VWF: variants seen among roughly 807,000 people sequenced by gnomAD.
The protein encoded by VWF is von Willebrand factor.
In VWF, 176 loss-of-function variants were observed where a neutral mutation model predicts 308.6. The ratio of observed to expected loss-of-function variants is 0.57; its 90% CI spans 0.50 to 0.65. VWF has a LOEUF of 0.65. VWF is among the 30% of genes least tolerant of loss of function. The pLI is 0.00. For missense variants in VWF, 3,146 were observed against 3,648.2 expected (o/e 0.86, Z 3.55); for synonymous variants, 1,385 against 1,443.4 (o/e 0.96, Z 0.92).
intron 6 of VWF, among the ~76,000 whole-genome samples, chr12:6,090,555 C>A (rs933393861): frequency 6.6e-6 from 1 of 152,124 alleles, no homozygotes; most frequent in South Asian, 2.1e-4. Context: ...GGCACTCCAG[C>A]GGAAAACACG....
intron 34 of VWF, among the ~76,000 whole-genome samples, chr12:6,008,796 T>C (rs1257036667): frequency 6.6e-6 from 1 of 152,188 alleles, no homozygotes; most frequent in Non-Finnish European, 1.5e-5. Flanking sequence ...TGTTAGCAAA[T>C]TCAGCGAAGT....
At chr12:5,982,621 C>A (rs571498253) in intron 41 of VWF, among the ~76,000 whole-genome samples, 4 of 152,252 alleles carry the variant, frequency 2.6e-5, no homozygotes, top group African/African-American at 7.2e-5. Context: ...ATCAGCAGGA[C>A]AAGAACGCCA....
chr12:6,061,348 C>T (rs1167148097), intron 13 of VWF, among the ~76,000 whole-genome samples: 1 of 151,778 alleles, frequency 6.6e-6, no homozygotes, highest in Admixed American at 6.6e-5. Flanking sequence ...AGGCCTAGGG[C>T]AAGTTACTCC....
chr12:5,976,031 T>C, intron 43 of VWF, 80 bp downstream of exon 43: 1 of 1,583,074 alleles, frequency 6.3e-7, no homozygotes, highest in South Asian at 1.1e-5. Context: ...AAAAAGAACC[T>C]TTCTTACCCT....
At chr12:6,080,744 A>G (rs948138599) in intron 6 of VWF, among the ~76,000 whole-genome samples, 4 of 152,192 alleles carry the variant, frequency 2.6e-5, no homozygotes, top group African/African-American at 9.6e-5. Context: ...CGGCCCCATC[A>G]TAATCCAAAC....
intron 42 of VWF, among the ~76,000 whole-genome samples, chr12:5,978,365 T>A (rs216859): frequency 1.3e-5 from 2 of 152,006 alleles, no homozygotes; most frequent in African/African-American, 4.8e-5. Flanking sequence ...CGGATTCAAG[T>A]GATTCTCCTG....
Position 5,991,879 on chromosome 12 carries a change from G to A in VWF, c.6738C>T (p.Gly2246=), listed in dbSNP as rs61731159. 5.0e-6 allele frequency: 8 copies of A among 1,614,224 alleles called. No individual in the cohort carries two copies. The highest frequency in any genetic ancestry group is 6.8e-6 in the Non-Finnish European group (8 of 1,180,034). The change falls in exon 38 of 52, where the codon GGC becomes GGT. Residue 2246 remains glycine (G), a synonymous_variant. Transcript: ENST00000261405. ...TGCAGGCCTCTTCAGGGACACAGCT[G>A]CCTTCCAACATGACTTTATCTGGAG... The part of the protein sequence containing the change: ...FCPPDKVMLE[G]SCVPEEACTQ...
rs572581324 is a variant in VWF, at chr12:6,116,206, G to C, written c.220+4968C>G. ...ACTCTTAGGAAAAGAGAGGCTGGCT[G>C]TCACCCCAAAGAGGCAAGACAAGCC... is the stretch of plus-strand genomic sequence containing the variant. On this transcript the variant is annotated intron_variant, in intron 3 of 51. Transcript: ENST00000261405. 2.6e-5 allele frequency among the ~76,000 whole-genome samples: 4 copies of C among 152,324 alleles called. No individual in the cohort carries two copies. In the East Asian group the frequency reaches 7.7e-4, roughly 29 times the overall value.
At chr12:5,964,012 T>C (rs12307883) in intron 47 of VWF, among the ~76,000 whole-genome samples, 77,558 of 151,648 alleles carry the variant, frequency 0.51, 20,490 homozygotes, top group Middle Eastern at 0.67. Flanking sequence ...TTGAGACCAT[T>C]CTGGTTAACA....
chr12:5,968,473 T>C (rs34668268), intron 45 of VWF, among the ~76,000 whole-genome samples: 18,379 of 152,146 alleles, frequency 0.12, 1,520 homozygotes, highest in African/African-American at 0.24. Context: ...TATGAAACAA[T>C]GAAACGCTAC....
rs747325784 is a variant in VWF, at chr12:6,031,567, G to C, written c.2697C>G (p.Gly899=). The C allele has an allele frequency of 2.5e-6, 4 of 1,614,140 alleles. No individual in the cohort carries two copies. In the South Asian group the frequency reaches 4.4e-5, roughly 18 times the overall value. The change falls in exon 21 of 52, where the codon GGC becomes GGG. Residue 899 remains glycine (G), a synonymous_variant. Transcript: ENST00000261405. ...GGATCCGAAAGGTCCCAGGGTTACTGCCGCAGTAATCCTGGGGAAAGAGGA... is the reference window on the plus strand; with the variant it reads ...GGATCCGAAAGGTCCCAGGGTTACTCCCGCAGTAATCCTGGGGAAAGAGGA... ...CQYVLVQDYC[G]SNPGTFRILV...
chr12:6,012,733 A>C (rs1422461232), intron 32 of VWF, among the ~76,000 whole-genome samples: 1 of 143,216 alleles, frequency 7.0e-6, no homozygotes, highest in Non-Finnish European at 1.5e-5. Flanking sequence ...ATGGAGTCTC[A>C]CTCTGTTGCC....
Position 6,020,875 on chromosome 12 carries a change from C to T in VWF, c.3674+1025G>A, listed in dbSNP as rs914501063. ...GCAGCTGCCCCTGCCCGTGTGCCAGCAAAGGAGGTGGGGAGAGGGCTCGAA... is the reference window on the plus strand; with the variant it reads ...GCAGCTGCCCCTGCCCGTGTGCCAGTAAAGGAGGTGGGGAGAGGGCTCGAA... On this transcript the variant is annotated intron_variant, in intron 27 of 51. Coordinates refer to ENST00000261405, the MANE Select transcript of VWF (RefSeq NM_000552.5). The surrounding 1 kb of genome is among the most constrained non-coding windows in gnomAD (Gnocchi z 4.3). Among the ~76,000 whole-genome samples the T allele has an allele frequency of 1.3e-5, 2 of 152,226 alleles. No homozygotes were observed. Among genetic ancestry groups the T allele is most frequent in the African/African-American group, 2.4e-5 (1 of 41,446 alleles).
intron 10 of VWF, 22 bp from the exon 11 acceptor site, chr12:6,065,295 G>A (rs1323188491): frequency 6.2e-7 from 1 of 1,613,814 alleles, no homozygotes; most frequent in African/African-American, 1.3e-5. Context: ...CAGAGGAAGG[G>A]AGAAGAATGG....
intron 17 of VWF, among the ~76,000 whole-genome samples, chr12:6,044,680 C>G (rs936919221): frequency 8.5e-5 from 13 of 152,206 alleles, no homozygotes; most frequent in African/African-American, 3.1e-4. Flanking sequence ...TCTTCTGACC[C>G]CAGCTCTCAT....
rs113913224 is a variant in VWF, at chr12:6,072,271, A to G, written c.1109+60T>C. 6.5e-6 allele frequency: 10 copies of G among 1,534,076 alleles called. No homozygotes were observed. In the African/African-American group the frequency reaches 6.8e-5, roughly 10 times the overall value. The stretch of plus-strand genomic sequence containing the variant: ...CACCTGCCACCACCCCTGCTGACCC[A>G]GCTTCCCTCCCCAGTCCCCCAGGCA... On this transcript the variant is annotated intron_variant, in intron 9 of 51. Transcript: ENST00000261405.
At chr12:6,087,560 C>T (rs3782713) in intron 6 of VWF, among the ~76,000 whole-genome samples, 14,560 of 130,904 alleles carry the variant, frequency 0.11, 1,485 homozygotes, top group East Asian at 0.37. Context: ...AGAGACGGGG[C>T]TTCACTGTGT....
In VWF at chr12:5,995,997, C is replaced by T; in HGVS notation, c.6063+5G>A. ...TACCACGGATCCACAGAAAGTACTT[C>T]TCACCTCCATGTCACTGTGCAGCTC... On this transcript the variant is annotated splice_donor_5th_base_variant and intron_variant, in intron 35 of 51. Transcript: ENST00000261405. 6.2e-7 allele frequency: 1 copy of T among 1,612,058 alleles called. No individual in the cohort carries two copies. Among genetic ancestry groups the T allele is most frequent in the Non-Finnish European group, 8.5e-7 (1 of 1,179,798 alleles).
At chr12:6,095,435 T>G (rs1306190030) in intron 6 of VWF, 25 bp downstream of exon 6, 2 of 1,613,822 alleles carry the variant, frequency 1.2e-6, no homozygotes, top group East Asian at 2.2e-5. Context: ...ACCATCCAGG[T>G]GCACCCAGGC....
Sources: gnomAD v4.1 joint callset for allele counts (sites outside exome capture counted in the v4.1 genomes callset) on GRCh38, gnomAD v4.1.1 for gene constraint, Gnocchi (gnomAD v3.1) non-coding constraint, MANE v1.5 for transcripts, NCBI Gene and HGNC (gene_info 2026-07-23, HGNC 2026-07-21) for gene names.